Variants in KCNJ10 observed in about 807,000 individuals in gnomAD.
KCNJ10 encodes potassium inwardly rectifying channel subfamily J member 10, also known as ATP-sensitive inward rectifier potassium channel 10.
Under a neutral mutation model 22.2 loss-of-function variants are expected in KCNJ10, and 9 were observed. The ratio of observed to expected loss-of-function variants is 0.40; its 90% CI spans 0.24 to 0.71. The LOEUF is 0.71. Among genes scored for constraint, KCNJ10 ranks in the 30% least tolerant of loss-of-function variants. KCNJ10 has a pLI of 0.35. For missense variants in KCNJ10, 337 were observed against 482.7 expected (o/e 0.70, Z 2.83); for synonymous variants, 184 against 187.3 (o/e 0.98, Z 0.15).
chr1:160,061,556 G>C (rs922584879), intron 1 of KCNJ10, among the ~76,000 whole-genome samples: 9 of 152,170 alleles, frequency 5.9e-5, no homozygotes, highest in African/African-American at 2.2e-4. Context: ...GCAGCAAGAG[G>C]CTGTGTCCAT....
In KCNJ10 at chr1:160,050,725, G is replaced by T. The variant is rs542080274; in HGVS notation, c.1-8193C>A. ...AGGAAATAAGGATCCATTCATTTTG[G>T]TTGAAGCGTTGGGAGCACATGAAAG... On this transcript the variant is annotated intron_variant, in intron 1 of 1. Transcript: ENST00000644903. Among the ~76,000 whole-genome samples, 30 of 152,222 alleles carry T rather than the reference G, an allele frequency of 2.0e-4. No homozygotes were observed. In the South Asian group the frequency reaches 5.4e-3, roughly 27 times the overall value.
At chr1:160,046,004 CT>C (rs939939601) in intron 1 of KCNJ10, among the ~76,000 whole-genome samples, 2 of 152,156 alleles carry the variant, frequency 1.3e-5, no homozygotes, top group African/African-American at 4.8e-5. Context: ...GAGATAAAAG[CT>C]TTGGATGGGA....
At chr1:160,043,411 A>T (rs559047870) in intron 1 of KCNJ10, among the ~76,000 whole-genome samples, 31 of 152,166 alleles carry the variant, frequency 2.0e-4, no homozygotes, top group Admixed American at 8.5e-4. Context: ...GAAACTACCC[A>T]TTCTTTTACC....
intron 1 of KCNJ10, among the ~76,000 whole-genome samples, chr1:160,066,474 T>G (rs2101937008): frequency 6.6e-6 from 1 of 152,192 alleles, no homozygotes; most frequent in South Asian, 2.1e-4. Context: ...TAGAAAACAT[T>G]AGAGTGGTGG....
At chr1:160,043,316 A>C (rs28548577) in intron 1 of KCNJ10, among the ~76,000 whole-genome samples, 108,330 of 140,780 alleles carry the variant, frequency 0.77, 40,526 homozygotes, top group East Asian at 0.91. Context: ...CACACACACA[A>C]CCTTAATTTC....
At chr1:160,067,678 C>G (rs1649352556) in intron 1 of KCNJ10, among the ~76,000 whole-genome samples, 1 of 152,070 alleles carries the variant, frequency 6.6e-6, no homozygotes, top group Non-Finnish European at 1.5e-5. Context: ...TCCTAAATAA[C>G]CTGTGGCTGG....
At position 160,038,987 on chromosome 1, in the gene KCNJ10, A is replaced by G. The variant is rs771363724; in HGVS notation, c.*2406T>C. 3 of 152,446 alleles carry G rather than the reference A, an allele frequency of 2.0e-5. No homozygotes were observed. Among genetic ancestry groups the G allele is most frequent in the Non-Finnish European group, 4.4e-5 (3 of 68,052 alleles). The allele number at this position is 152,446 out of a possible 1,614,324, so 9.4% of individuals were successfully genotyped here. On this transcript the variant is annotated 3_prime_UTR_variant, in exon 2 of 2. Coordinates refer to ENST00000644903, the MANE Select transcript of KCNJ10 (RefSeq NM_002241.5). ...AAGTCCACAGTTGGTATGGGGGCCCATTTCTCACCAGACCTGGCTGCTTCT... is the reference window on the plus strand; with the variant it reads ...AAGTCCACAGTTGGTATGGGGGCCCGTTTCTCACCAGACCTGGCTGCTTCT...
intron 1 of KCNJ10, among the ~76,000 whole-genome samples, chr1:160,051,974 T>C (rs1648915427): frequency 6.6e-6 from 1 of 152,154 alleles, no homozygotes. Context: ...CTGTATCTCA[T>C]CCTGGTAATA....
In KCNJ10 at chr1:160,041,867, T is replaced by C; in HGVS notation, c.666A>G (p.Gln222=). The C allele has an allele frequency of 6.2e-7, 1 of 1,614,194 alleles. No homozygotes were observed. Among genetic ancestry groups the C allele is most frequent in the Non-Finnish European group, 8.5e-7 (1 of 1,180,034 alleles). Residue 222 remains glutamine (Q), a synonymous_variant, in exon 2 of 2, where the codon CAA becomes CAG. Coordinates refer to ENST00000644903, the MANE Select transcript of KCNJ10 (RefSeq NM_002241.5). The surrounding 1 kb of genome is among the most constrained non-coding windows in gnomAD (Gnocchi z 4.4). ...GCCGGATGTTCTCCCCTTCCTTGGT[T>C]TGGTGGGTCTGAAGCAGTTTTCCTG... ...QVTGKLLQTH[Q]TKEGENIRLN...
chr1:160,050,115 T>C (rs1430523561), intron 1 of KCNJ10, among the ~76,000 whole-genome samples: 2 of 152,168 alleles, frequency 1.3e-5, no homozygotes, highest in East Asian at 3.8e-4. Flanking sequence ...GCTGTGTTTT[T>C]GTTCATTTAT....
intron 1 of KCNJ10, among the ~76,000 whole-genome samples, chr1:160,049,695 A>ATATATATATATATATATT (rs1557970409): frequency 2.5e-5 from 3 of 120,526 alleles, no homozygotes; most frequent in Non-Finnish European, 5.2e-5. Context: ...ATATATATAT[A>ATATATATATATATATATT]TATATATATA....
intron 1 of KCNJ10, among the ~76,000 whole-genome samples, chr1:160,063,932 G>A (rs1649257603): frequency 6.6e-6 from 1 of 152,180 alleles, no homozygotes; most frequent in African/African-American, 2.4e-5. Context: ...CTCTAAAGGT[G>A]GGTGCTTTTT....
At chr1:160,043,582 G>C (rs547686021) in intron 1 of KCNJ10, among the ~76,000 whole-genome samples, 128 of 152,298 alleles carry the variant, frequency 8.4e-4, no homozygotes, top group Non-Finnish European at 1.5e-3. Context: ...CAGTGGTGGA[G>C]GAGAAACAAC....
chr1:160,037,761 G>A lies in KCNJ10; in HGVS notation c.*3632C>T, dbSNP rs1648510150. 1 of 152,250 alleles carries A rather than the reference G, an allele frequency of 6.6e-6. No homozygotes were observed. The highest frequency in any genetic ancestry group is 6.5e-5 in the Admixed American group (1 of 15,290). The allele number at this position is 152,250 out of a possible 1,614,324, so 9.4% of individuals were successfully genotyped here. ...GCCATGGAGAGGGCACAGTGTCCTG[G>A]ACTTGTAGCAATAGTATAACTGGCT... is the stretch of plus-strand genomic sequence containing the variant. On this transcript the variant is annotated 3_prime_UTR_variant, in exon 2 of 2. Coordinates refer to ENST00000644903, the MANE Select transcript of KCNJ10 (RefSeq NM_002241.5).
intron 1 of KCNJ10, among the ~76,000 whole-genome samples, chr1:160,050,659 G>C (rs1327430787): frequency 6.6e-6 from 1 of 152,188 alleles, no homozygotes; most frequent in Non-Finnish European, 1.5e-5. Context: ...AAGGGAACAG[G>C]GTTGGGAAAG....
chr1:160,061,221 A>C (rs1649182751), intron 1 of KCNJ10, among the ~76,000 whole-genome samples: 1 of 152,112 alleles, frequency 6.6e-6, no homozygotes, highest in South Asian at 2.1e-4. Context: ...GAAAAACACA[A>C]AAAAACTAGC....
Position 160,042,388 on chromosome 1 carries a change from A to C in KCNJ10, c.145T>G (p.Phe49Val), listed in dbSNP as rs1648630415. The change falls in exon 2 of 2, where the codon TTC becomes GTC. Residue 49 changes from phenylalanine to valine, a missense_variant. Coordinates refer to ENST00000644903, the MANE Select transcript of KCNJ10 (RefSeq NM_002241.5). ...VRMEHIADKR[F>V]LYLKDLWTTF... ...GTCCACAGGTCCTTGAGGTAGAGGA[A>C]GCGCTTGTCGGCAATGTGCTCCATT... 6.2e-7 allele frequency: 1 copy of C among 1,614,148 alleles called. No individual in the cohort carries two copies. The highest frequency in any genetic ancestry group is 2.2e-5 in the East Asian group (1 of 44,884).
intron 1 of KCNJ10, among the ~76,000 whole-genome samples, chr1:160,053,936 C>T (rs1334319583): frequency 6.6e-6 from 1 of 152,160 alleles, no homozygotes. Context: ...ATCAGATATT[C>T]TCTGGCCAGA....
chr1:160,067,291 G>A (rs76300171), intron 1 of KCNJ10, among the ~76,000 whole-genome samples: 2,478 of 152,074 alleles, frequency 0.016, 78 homozygotes, highest in African/African-American at 0.056. Context: ...GAGGAAGAGG[G>A]GCCACCAGAT....
Sources: allele counts gnomAD v4.1 joint callset (sites outside exome capture counted in the v4.1 genomes callset), GRCh38; gene constraint gnomAD v4.1.1; non-coding constraint Gnocchi (gnomAD v3.1); transcripts MANE v1.5; gene names NCBI Gene and HGNC (gene_info 2026-07-23, HGNC 2026-07-21).